Variants in EML1 observed in about 807,000 individuals in gnomAD.
The protein encoded by EML1 is echinoderm microtubule-associated protein-like 1.
In EML1, 27 loss-of-function variants were observed where a neutral mutation model predicts 110.4. The observed-to-expected ratio is 0.24, with a 90% CI of 0.18 to 0.34. The LOEUF (loss-of-function observed/expected upper bound fraction) is 0.34. Among genes scored for constraint, EML1 ranks in the 10% least tolerant of loss-of-function variants. The pLI is 1.00. For synonymous variants in EML1, 344 were observed against 385.8 expected, an observed-to-expected ratio of 0.89 and a Z score of 1.27; for missense variants, 741 against 1,030.9, an observed-to-expected ratio of 0.72 and a Z score of 3.85.
At chr14:99,912,127 C>T (rs1412438525) in intron 13 of EML1, among the ~76,000 whole-genome samples, 1 of 152,136 alleles carries the variant, frequency 6.6e-6, no homozygotes, top group African/African-American at 2.4e-5. Context: ...AGCGATCCTC[C>T]CACCTCAGCC....
intron 17 of EML1, among the ~76,000 whole-genome samples, chr14:99,935,781 C>CAAAA (rs1160100015): frequency 2.4e-5 from 2 of 83,688 alleles, no homozygotes; most frequent in South Asian, 4.3e-4. Context: ...GACTCCGTCT[C>CAAAA]AAAAAAAAAA....
intron 2 of EML1, among the ~76,000 whole-genome samples, chr14:99,864,226 A>G (rs1229167101): frequency 6.6e-6 from 1 of 152,064 alleles, no homozygotes; most frequent in Non-Finnish European, 1.5e-5. Context: ...AGTTCCTTTT[A>G]TGTTCCTTAT....
intron 1 of EML1, among the ~76,000 whole-genome samples, chr14:99,754,296 C>T (rs1241482974): frequency 1.3e-5 from 2 of 152,236 alleles, no homozygotes; most frequent in African/African-American, 2.4e-5. Context: ...ACCAGCTTGG[C>T]GGGGTCGGCC....
At chr14:99,870,004 T>C (rs61534993) in intron 3 of EML1, among the ~76,000 whole-genome samples, 55,203 of 152,100 alleles carry the variant, frequency 0.36, 11,013 homozygotes, top group African/African-American at 0.52. Context: ...TACCCAGCCT[T>C]GGGCATTCCT....
chr14:99,938,651 G>C (rs560451023), intron 20 of EML1, among the ~76,000 whole-genome samples: 38 of 152,290 alleles, frequency 2.5e-4, no homozygotes, highest in Admixed American at 2.3e-3. Context: ...GGCCCACCTG[G>C]GCTCAGGGAT....
intron 10 of EML1, among the ~76,000 whole-genome samples, chr14:99,908,682 G>A (rs2059896369): frequency 1.3e-5 from 2 of 152,200 alleles, no homozygotes; most frequent in African/African-American, 4.8e-5. Context: ...GGTCTTGGAG[G>A]TTAGGGTGTG....
chr14:99,798,108 C>T (rs776200034), intron 1 of EML1, among the ~76,000 whole-genome samples: 4 of 152,182 alleles, frequency 2.6e-5, no homozygotes, highest in Admixed American at 6.5e-5. Flanking sequence ...AAAAATCAGC[C>T]GAAGTTGTGT....
At chr14:99,861,433 A>G (rs2059002021) in intron 2 of EML1, among the ~76,000 whole-genome samples, 1 of 152,238 alleles carries the variant, frequency 6.6e-6, no homozygotes, top group African/African-American at 2.4e-5. Flanking sequence ...GTAATATTTT[A>G]AGAGCCTAAA....
intron 1 of EML1, among the ~76,000 whole-genome samples, chr14:99,823,141 G>T (rs1012524451): frequency 2.6e-5 from 4 of 152,192 alleles, no homozygotes; most frequent in Admixed American, 1.3e-4. Flanking sequence ...GTTCCAGGGT[G>T]GGGTGGGACG....
chr14:99,904,719 G>A (rs948965128), intron 9 of EML1, among the ~76,000 whole-genome samples: 5 of 152,172 alleles, frequency 3.3e-5, no homozygotes, highest in Admixed American at 2.0e-4. Context: ...GTACTGCCAC[G>A]TGTTACAAGG....
chr14:99,889,065 G>A (rs1408931290), intron 4 of EML1, among the ~76,000 whole-genome samples: 2 of 152,192 alleles, frequency 1.3e-5, no homozygotes, highest in Non-Finnish European at 2.9e-5. Context: ...GCCGAGAGAC[G>A]TTCTCCACGC....
intron 1 of EML1, among the ~76,000 whole-genome samples, chr14:99,812,727 G>A (rs888794977): frequency 1.3e-5 from 2 of 152,154 alleles, no homozygotes; most frequent in African/African-American, 4.8e-5. Context: ...AGGGGTCAAG[G>A]AAATAATAAA....
intron 3 of EML1, among the ~76,000 whole-genome samples, chr14:99,877,518 C>T (rs1410270755): frequency 6.6e-6 from 1 of 152,178 alleles, no homozygotes; most frequent in African/African-American, 2.4e-5. Flanking sequence ...TTCATTTGAT[C>T]TTTCCCGGAA....
intron 1 of EML1, chr14:99,774,151 C>T (rs1001611947): frequency 1.3e-5 from 2 of 152,522 alleles, no homozygotes; most frequent in Admixed American, 6.5e-5. Flanking sequence ...CTTGGCAGGA[C>T]TCCAGGGGAG....
At chr14:99,922,736 CTA>C (rs2060152540) in intron 17 of EML1, among the ~76,000 whole-genome samples, 1 of 152,082 alleles carries the variant, frequency 6.6e-6, no homozygotes, top group African/African-American at 2.4e-5. Flanking sequence ...TCCCTAATGA[CTA>C]TTGATATTGA....
chr14:99,862,505 G>A (rs772819453), intron 2 of EML1, among the ~76,000 whole-genome samples: 8 of 152,192 alleles, frequency 5.3e-5, no homozygotes, highest in Admixed American at 3.3e-4. Context: ...GGATTTGTCC[G>A]TTCTCTTCAT....
chr14:99,937,210 C>T (rs1296501968), intron 19 of EML1, among the ~76,000 whole-genome samples: 1 of 152,192 alleles, frequency 6.6e-6, no homozygotes, highest in Non-Finnish European at 1.5e-5. Flanking sequence ...AGACTGAGCT[C>T]GCTCCAGTGC....
chr14:99,920,373 CCCAG>C (rs2060109693), intron 16 of EML1, among the ~76,000 whole-genome samples: 1 of 152,198 alleles, frequency 6.6e-6, no homozygotes, highest in South Asian at 2.1e-4. Flanking sequence ...CCGGAGTTGT[CCCAG>C]CCCCATCCTC....
At chr14:99,906,994 C>T (rs1378278487) in intron 9 of EML1, 1 of 152,534 alleles carries the variant, frequency 6.6e-6, no homozygotes, top group Non-Finnish European at 1.5e-5. Flanking sequence ...CAGCTGCTAA[C>T]AGCCCCTGTG....
Sources: allele counts gnomAD v4.1 joint callset (sites outside exome capture counted in the v4.1 genomes callset), GRCh38; gene constraint gnomAD v4.1.1; transcripts MANE v1.5; gene names NCBI Gene and HGNC (gene_info 2026-07-23, HGNC 2026-07-21).